Variants in PRR16 observed in about 807,000 individuals in gnomAD.
PRR16 encodes the protein proline rich 16, also known as protein Largen.
PRR16 carries 6 observed loss-of-function variants against 18.2 expected under a neutral mutation model. That is an observed-to-expected ratio of 0.33 (90% confidence interval 0.18 to 0.65). The LOEUF (loss-of-function observed/expected upper bound fraction) is 0.65. Among genes scored for constraint, PRR16 ranks in the 30% least tolerant of loss-of-function variants. The pLI is 0.74. For synonymous variants in PRR16, 151 were observed against 147.8 expected (o/e 1.02, Z -0.16); for missense variants, 412 against 376.6 (o/e 1.09, Z -0.78).
chr5:120,766,236 TG>T, the PRR16 span, among the ~76,000 whole-genome samples: 1 of 152,062 alleles, frequency 6.6e-6, no homozygotes, highest in African/African-American at 2.4e-5. Flanking sequence ...TCCAGGGTTC[TG>T]GTTGCACTGC....
At chr5:120,575,056 C>T (rs1024047202) in intron 1 of PRR16, among the ~76,000 whole-genome samples, 1 of 136,754 alleles carries the variant, frequency 7.3e-6, no homozygotes, top group South Asian at 2.1e-4. Flanking sequence ...GTGTTGTAGC[C>T]TTTTAATTAT....
At chr5:120,709,068 C>T in the PRR16 span, among the ~76,000 whole-genome samples, 12,302 of 136,964 alleles carry the variant, frequency 0.09, 1,670 homozygotes, top group African/African-American at 0.3. Context: ...AGTGCAGTGG[C>T]GCAATCTCGG....
chr5:120,556,934 C>A (rs988975629), intron 1 of PRR16, among the ~76,000 whole-genome samples: 2 of 150,878 alleles, frequency 1.3e-5, no homozygotes, highest in Admixed American at 6.6e-5. Context: ...AACCAGTAGA[C>A]CCAACTGCTA....
chr5:120,764,329 T>C, the PRR16 span, among the ~76,000 whole-genome samples: 3 of 152,164 alleles, frequency 2.0e-5, no homozygotes, highest in African/African-American at 4.8e-5. Context: ...TATGTTTTCA[T>C]CTTTTCAGTC....
At chr5:120,534,233 G>C (rs2112671424) in intron 1 of PRR16, among the ~76,000 whole-genome samples, 1 of 152,292 alleles carries the variant, frequency 6.6e-6, no homozygotes, top group South Asian at 2.1e-4. Flanking sequence ...AGATCACTAA[G>C]AGAGATAGAG....
At chr5:120,746,450 G>T in the PRR16 span, among the ~76,000 whole-genome samples, 31 of 151,770 alleles carry the variant, frequency 2.0e-4, no homozygotes, top group African/African-American at 7.5e-4. Context: ...TTTTAGTGAA[G>T]TGTATCTTAG....
intron 1 of PRR16, among the ~76,000 whole-genome samples, chr5:120,672,913 T>C (rs879380074): frequency 6.6e-6 from 1 of 152,182 alleles, no homozygotes; most frequent in Non-Finnish European, 1.5e-5. Flanking sequence ...AAAATGCAAC[T>C]AGTTGCATCT....
chr5:120,593,915 C>T (rs1753719930), intron 1 of PRR16, among the ~76,000 whole-genome samples: 1 of 152,016 alleles, frequency 6.6e-6, no homozygotes, highest in Admixed American at 6.6e-5. Context: ...ATTATAATCT[C>T]AGTAGATGTA....
chr5:120,777,379 T>C, the PRR16 span, among the ~76,000 whole-genome samples: 1 of 152,100 alleles, frequency 6.6e-6, no homozygotes, highest in African/African-American at 2.4e-5. Context: ...TGTGTTTTAT[T>C]TTGTATATTT....
chr5:120,516,483 GGA>G (rs1491546834), intron 1 of PRR16, among the ~76,000 whole-genome samples: 1 of 104,562 alleles, frequency 9.6e-6, no homozygotes, highest in Non-Finnish European at 2.0e-5. Context: ...CAGGAGGGAA[GGA>G]CACACACACA....
intron 1 of PRR16, among the ~76,000 whole-genome samples, chr5:120,641,414 A>C (rs1580820269): frequency 6.6e-6 from 1 of 152,224 alleles, no homozygotes; most frequent in South Asian, 2.1e-4. Flanking sequence ...ATAGTTTCTA[A>C]GAAATTGCAA....
chr5:120,556,853 C>G (rs1271433295), intron 1 of PRR16, among the ~76,000 whole-genome samples: 1 of 151,746 alleles, frequency 6.6e-6, no homozygotes. Flanking sequence ...GCTTACTTGC[C>G]TGGTCCTTTC....
At chr5:120,748,737 A>C in the PRR16 span, among the ~76,000 whole-genome samples, 1 of 152,114 alleles carries the variant, frequency 6.6e-6, no homozygotes, top group African/African-American at 2.4e-5. Context: ...GAGATGTCAT[A>C]AATCCTTGAG....
chr5:120,630,687 G>T (rs1305656555), intron 1 of PRR16, among the ~76,000 whole-genome samples: 2 of 151,968 alleles, frequency 1.3e-5, no homozygotes, highest in African/African-American at 4.8e-5. Flanking sequence ...AGCTGTTCTA[G>T]GTTCCTTCTT....
At chr5:120,669,221 G>C (rs1285512117) in intron 1 of PRR16, among the ~76,000 whole-genome samples, 2 of 152,032 alleles carry the variant, frequency 1.3e-5, no homozygotes, top group Non-Finnish European at 2.9e-5. Context: ...TATTACCCCA[G>C]TGTTTGAATA....
intron 1 of PRR16, among the ~76,000 whole-genome samples, chr5:120,467,278 CT>C (rs1259575118): frequency 6.6e-6 from 1 of 152,070 alleles, no homozygotes; most frequent in Non-Finnish European, 1.5e-5. Flanking sequence ...CAATGCTATG[CT>C]TTTAGACCAT....
chr5:120,607,934 A>T (rs1301926470), intron 1 of PRR16, among the ~76,000 whole-genome samples: 1 of 152,070 alleles, frequency 6.6e-6, no homozygotes, highest in East Asian at 1.9e-4. Context: ...TTGTATGTAG[A>T]GTTCTACTCT....
At chr5:120,749,205 AT>A in the PRR16 span, among the ~76,000 whole-genome samples, 18 of 152,018 alleles carry the variant, frequency 1.2e-4, no homozygotes, top group Admixed American at 1.0e-3. Context: ...TGATTTGAAA[AT>A]TTTATGATAT....
At chr5:120,739,396 T>G in the PRR16 span, among the ~76,000 whole-genome samples, 2 of 152,146 alleles carry the variant, frequency 1.3e-5, no homozygotes, top group Non-Finnish European at 2.9e-5. Context: ...ATCACAAGCC[T>G]TTACATGGTT....
Sources: allele counts gnomAD v4.1 joint callset (sites outside exome capture counted in the v4.1 genomes callset), GRCh38; gene constraint gnomAD v4.1.1; transcripts MANE v1.5; gene names NCBI Gene and HGNC (gene_info 2026-07-23, HGNC 2026-07-21).